MED9: variants seen among roughly 807,000 people sequenced by gnomAD.
The protein encoded by MED9 is mediator complex subunit 9.
In MED9, 8 loss-of-function variants were observed where a neutral mutation model predicts 13.2. That is an observed-to-expected ratio of 0.61 (90% CI 0.36 to 1.10). The LOEUF (loss-of-function observed/expected upper bound fraction) is 1.10, where lower values mean the gene tolerates loss of function less well. Ranked by LOEUF, MED9 falls within the 50% of genes least tolerant of loss-of-function variation. The pLI is 0.02. For synonymous variants in MED9, 87 were observed against 82.8 expected, an observed-to-expected ratio of 1.05 and a Z score of -0.28; for missense variants, 180 against 193.4, an observed-to-expected ratio of 0.93 and a Z score of 0.41.
At chr17:17,484,757 G>A (rs1905095286) in intron 1 of MED9, among the ~76,000 whole-genome samples, 1 of 152,222 alleles carries the variant, frequency 6.6e-6, no homozygotes, top group Admixed American at 6.5e-5. Context: ...CATCCACTCA[G>A]TATGACTTAT....
At chr17:17,485,618 C>T in intron 1 of MED9, 1 of 325,554 alleles carries the variant, frequency 3.1e-6, no homozygotes, top group Non-Finnish European at 5.5e-6. Flanking sequence ...GGACTGCACC[C>T]TCCCCCCGTC....
At chr17:17,490,201 C>T (rs1243759281) in intron 1 of MED9, among the ~76,000 whole-genome samples, 1 of 152,100 alleles carries the variant, frequency 6.6e-6, no homozygotes, top group African/African-American at 2.4e-5. Context: ...TTTGGGAGGC[C>T]GAGGCAGGTG....
intron 1 of MED9, 42 bp from the exon 2 acceptor site, chr17:17,491,237 T>A (rs368135645): frequency 3.1e-5 from 48 of 1,559,820 alleles, no homozygotes; most frequent in Admixed American, 5.0e-5. Flanking sequence ...CGCCAAGACG[T>A]GTATCAAGCT....
intron 1 of MED9, chr17:17,485,370 C>G (rs1425344636): frequency 2.5e-6 from 1 of 398,516 alleles, no homozygotes; most frequent in Non-Finnish European, 4.4e-6. Context: ...CAGGCGTGAG[C>G]CACCGGCCGC....
Position 17,477,033 on chromosome 17 carries a change from C to A in MED9, c.-9C>A, listed in dbSNP as rs1904932162. On this transcript the variant is annotated 5_prime_UTR_variant, in exon 1 of 2. Coordinates refer to ENST00000268711, the MANE Select transcript of MED9 (RefSeq NM_018019.3). ...CGACCCGACCTCTGGCTAACCTACC[C>A]CCGGAGCCATGGCCTCTGCTGGGGT... 1 of 1,604,940 alleles carries A rather than the reference C, an allele frequency of 6.2e-7. No homozygotes were observed. Among genetic ancestry groups the A allele is most frequent in the Non-Finnish European group, 8.5e-7 (1 of 1,179,620 alleles).
intron 1 of MED9, among the ~76,000 whole-genome samples, chr17:17,484,769 ACCAGAAGGTGGGCC>A (rs974971348): frequency 6.6e-6 from 1 of 152,182 alleles, no homozygotes; most frequent in African/African-American, 2.4e-5. Context: ...ATGACTTATA[ACCAGAAGGTGGGCC>A]CCAGCAGAGG....
At chr17:17,490,968 G>A (rs896192568) in intron 1 of MED9, among the ~76,000 whole-genome samples, 3 of 152,312 alleles carry the variant, frequency 2.0e-5, no homozygotes, top group African/African-American at 7.2e-5. Context: ...ACACTGGGCC[G>A]GGGGTAGGGA....
intron 1 of MED9, chr17:17,487,082 A>G (rs1414482259): frequency 1.3e-5 from 2 of 152,194 alleles, no homozygotes; most frequent in Non-Finnish European, 2.9e-5. Context: ...ACCAATCGAC[A>G]CTCTGTATCT....
In MED9 at chr17:17,477,049, C is replaced by T; in HGVS notation, c.8C>T (p.Ser3Phe). ...TAACCTACCCCCGGAGCCATGGCCTCTGCTGGGGTGGCAGCCGGGCGACAG... is the reference window on the plus strand; with the variant it reads ...TAACCTACCCCCGGAGCCATGGCCTTTGCTGGGGTGGCAGCCGGGCGACAG... MA[S>F]AGVAAGRQAE... is the part of the protein sequence containing the mutation. Residue 3 changes from serine to phenylalanine, a missense_variant, in exon 1 of 2, where the codon TCT (serine) becomes TTT (phenylalanine). Coordinates refer to ENST00000268711, the MANE Select transcript of MED9 (RefSeq NM_018019.3). 6.2e-7 allele frequency: 1 copy of T among 1,606,168 alleles called. No homozygotes were observed. Among genetic ancestry groups the T allele is most frequent in the East Asian group, 2.2e-5 (1 of 44,840 alleles).
At position 17,491,367 on chromosome 17, in the gene MED9, C is replaced by T. The variant is rs1414242445; in HGVS notation, c.313C>T (p.Pro105Ser). 3.7e-6 allele frequency: 6 copies of T among 1,613,986 alleles called. No individual in the cohort carries two copies. Among genetic ancestry groups the T allele is most frequent in the Non-Finnish European group, 5.1e-6 (6 of 1,180,022 alleles). Reference sequence around the variant, plus strand: ...GATGCGCAAGCTCATCAGCACCATGCCCGGCATCCACCTGAGCCCCGAACA... The same window carrying T: ...GATGCGCAAGCTCATCAGCACCATGTCCGGCATCCACCTGAGCCCCGAACA... Reference protein sequence around the residue: ...QEMRKLISTMPGIHLSPEQQQ... With the variant: ...QEMRKLISTMSGIHLSPEQQQ... Residue 105 changes from proline to serine, a missense_variant, in exon 2 of 2, where the codon CCC (proline) becomes TCC (serine). Transcript: ENST00000268711.
intron 1 of MED9, chr17:17,485,546 A>G (rs2141116): frequency 0.99 from 381,986 of 387,466 alleles, 188,374 homozygotes; most frequent in African/African-American, 1. Context: ...TGGTGGCTGG[A>G]AGAAGGGGGC....
Position 17,492,603 on chromosome 17 carries a change from G to A in MED9, c.*1108G>A, listed in dbSNP as rs1905260117. The A allele has an allele frequency of 6.6e-6, 1 of 152,214 alleles. No individual in the cohort carries two copies. Among genetic ancestry groups the A allele is most frequent in the Non-Finnish European group, 1.5e-5 (1 of 68,050 alleles). 9.4% of individuals were successfully genotyped at this position (152,214 alleles called of 1,614,324 possible). On this transcript the variant is annotated 3_prime_UTR_variant, in exon 2 of 2. Transcript: ENST00000268711. ...TTCTTCCAGATGGGACGTTTTATTT[G>A]TGTGCTCTCCCTTGACTGTCAGATT...
At chr17:17,480,754 A>G (rs763840937) in intron 1 of MED9, among the ~76,000 whole-genome samples, 2 of 152,208 alleles carry the variant, frequency 1.3e-5, no homozygotes, top group Admixed American at 6.5e-5. Context: ...AGTAGCCACA[A>G]AGGAATGGAG....
intron 1 of MED9, chr17:17,485,285 T>G: frequency 2.5e-6 from 1 of 398,494 alleles, no homozygotes; most frequent in East Asian, 3.6e-5. Flanking sequence ...AAAAATTTTT[T>G]TTTTGTATTT....
In MED9 at chr17:17,492,674, A is replaced by G. The variant is rs1905263174; in HGVS notation, c.*1179A>G. 1 of 152,184 alleles carries G rather than the reference A, an allele frequency of 6.6e-6. No homozygotes were observed. The highest frequency in any genetic ancestry group is 6.5e-5 in the Admixed American group (1 of 15,282). 9.4% of individuals were successfully genotyped at this position (152,184 alleles called of 1,614,324 possible). ...CGTTGCCTCTCGAGGAGGAGGTGCG[A>G]AGTCCTGGAGTATTGTTTGGGTCTC... On this transcript the variant is annotated 3_prime_UTR_variant, in exon 2 of 2. Coordinates refer to ENST00000268711, the MANE Select transcript of MED9 (RefSeq NM_018019.3).
At chr17:17,478,951 G>T (rs1049843302) in intron 1 of MED9, among the ~76,000 whole-genome samples, 22 of 152,210 alleles carry the variant, frequency 1.4e-4, no homozygotes, top group African/African-American at 5.3e-4. Flanking sequence ...TACATATGGA[G>T]CCCCTGTAAT....
intron 1 of MED9, chr17:17,485,047 C>T (rs1905102082): frequency 4.0e-6 from 1 of 251,516 alleles, no homozygotes; most frequent in African/African-American, 2.2e-5. Flanking sequence ...ACTCTGTCGC[C>T]CAGGCTGGAG....
intron 1 of MED9, 124 bp downstream of exon 1, chr17:17,477,389 A>G: frequency 8.9e-7 from 1 of 1,127,908 alleles, no homozygotes; most frequent in Non-Finnish European, 1.2e-6. Context: ...GGAAACTCAG[A>G]CCCAGAGCGG....
chr17:17,490,367 G>A (rs113016323), intron 1 of MED9, among the ~76,000 whole-genome samples: 7,044 of 152,254 alleles, frequency 0.046, 479 homozygotes, highest in African/African-American at 0.15. Flanking sequence ...ACCGGGACCC[G>A]GGAGGTGGAG....
Sources: allele counts gnomAD v4.1 joint callset (sites outside exome capture counted in the v4.1 genomes callset), GRCh38; gene constraint gnomAD v4.1.1; transcripts MANE v1.5; gene names NCBI Gene and HGNC (gene_info 2026-07-23, HGNC 2026-07-21).